The following AIF1L variants were observed in gnomAD, a reference collection of about 807,000 sequenced individuals.
AIF1L encodes the protein allograft inflammatory factor 1 like.
A neutral mutation model predicts 20.7 loss-of-function variants in AIF1L; 12 were observed. The observed-to-expected ratio is 0.58, with a 90% CI of 0.37 to 0.94. The LOEUF (loss-of-function observed/expected upper bound fraction) is 0.94, where lower values mean the gene tolerates loss of function less well. Among genes scored for constraint, AIF1L ranks in the 40% least tolerant of loss-of-function variants. The probability of loss-of-function intolerance (pLI) is 0.01; values close to 1 mark genes in which losing one functional copy is unlikely to be tolerated. For synonymous variants in AIF1L, 76 were observed against 65.1 expected (o/e 1.17, Z -0.81); for missense variants, 173 against 185.3 (o/e 0.93, Z 0.39).
At chr9:131,118,187 G>T (rs1193769503) in intron 5 of AIF1L, among the ~76,000 whole-genome samples, 1 of 151,220 alleles carries the variant, frequency 6.6e-6, no homozygotes, top group African/African-American at 2.4e-5. Context: ...CCGCCTCCTG[G>T]GTTCAAGTGA....
chr9:131,109,494 G>A (rs2133389175), intron 2 of AIF1L, among the ~76,000 whole-genome samples: 1 of 152,290 alleles, frequency 6.6e-6, no homozygotes, highest in African/African-American at 2.4e-5. Flanking sequence ...GAGAGGCAGA[G>A]GTTGCAGTGA....
rs1401155200 is a variant in AIF1L at position 131,096,546 on chromosome 9, G to A, written c.-84G>A. 1.4e-6 allele frequency: 2 copies of A among 1,452,446 alleles called. No individual in the cohort carries two copies. The highest frequency in any genetic ancestry group is 1.8e-6 in the Non-Finnish European group (2 of 1,105,440). 90.0% of individuals were successfully genotyped at this position (1,452,446 alleles called of 1,614,324 possible). A position where few individuals can be genotyped will look rare whatever the true frequency, so the allele number is the denominator to read the frequency against. ...TCCCGCGGCCACACGCAGCTAGCCGGAGCCCGGACCAGGCGCCTGTGCCTC... is the reference window on the plus strand; with the variant it reads ...TCCCGCGGCCACACGCAGCTAGCCGAAGCCCGGACCAGGCGCCTGTGCCTC... On this transcript the variant is annotated 5_prime_UTR_variant, in exon 1 of 6. Coordinates refer to ENST00000247291, the MANE Select transcript of AIF1L (RefSeq NM_031426.4).
At chr9:131,099,346 T>C (rs1287812279) in intron 2 of AIF1L, among the ~76,000 whole-genome samples, 1 of 152,194 alleles carries the variant, frequency 6.6e-6, no homozygotes, top group Non-Finnish European at 1.5e-5. Flanking sequence ...GGATGGAAGC[T>C]CTTTGCAGAC....
chr9:131,097,132 T>G lies in AIF1L; in HGVS notation c.93+269T>G, dbSNP rs546772351. On this transcript the variant is annotated intron_variant, in intron 2 of 5. Coordinates refer to ENST00000247291, the MANE Select transcript of AIF1L (RefSeq NM_031426.4). ...GGTGGGGCCGGGTCAGGAGCTCGGA[T>G]GCCAGCCGGCTCGTGGCTCCCCGCA... 3.7e-3 allele frequency among the ~76,000 whole-genome samples: 559 copies of G among 152,142 alleles called. 1 individual carries two copies. The highest frequency in any genetic ancestry group is 6.8e-3 in the South Asian group (33 of 4,826).
In AIF1L at chr9:131,115,600, C is replaced by T. The variant is rs185457058; in HGVS notation, c.202+982C>T. ...CTGCGTCTCAGATTGATGCTGCTAC[C>T]GGCATTTCTACTCCTCTTCCTCTGT... On this transcript the variant is annotated intron_variant, in intron 4 of 5. Coordinates refer to ENST00000247291, the MANE Select transcript of AIF1L (RefSeq NM_031426.4). Among the ~76,000 whole-genome samples, 13 of 152,066 alleles carry T rather than the reference C, an allele frequency of 8.5e-5. No homozygotes were observed. The East Asian group carries it at 1.5e-3, about 18-fold the overall frequency.
chr9:131,114,374 G>A (rs1830960988), intron 3 of AIF1L: 1 of 585,082 alleles, frequency 1.7e-6, no homozygotes, highest in Admixed American at 2.7e-5. Flanking sequence ...GGCACCTCTA[G>A]GAGAGTAGTC....
At chr9:131,116,346 C>G (rs1434531480) in intron 4 of AIF1L, among the ~76,000 whole-genome samples, 1 of 152,108 alleles carries the variant, frequency 6.6e-6, no homozygotes, top group Non-Finnish European at 1.5e-5. Flanking sequence ...TCACTGCATC[C>G]TCAGCCTCCC....
At position 131,115,952 on chromosome 9, in the gene AIF1L, G is replaced by A. The variant is rs544810709; in HGVS notation, c.202+1334G>A. Reference sequence around the variant, plus strand: ...TTGCACCATTGCACTCCAGCCTAGGGGACAAGAGCAAGACTTCGTCTCAAA... The same window carrying A: ...TTGCACCATTGCACTCCAGCCTAGGAGACAAGAGCAAGACTTCGTCTCAAA... On this transcript the variant is annotated intron_variant, in intron 4 of 5. Coordinates refer to ENST00000247291, the MANE Select transcript of AIF1L (RefSeq NM_031426.4). Among the ~76,000 whole-genome samples the A allele has an allele frequency of 2.0e-5, 3 of 149,624 alleles. No homozygotes were observed. In the East Asian group the frequency reaches 5.9e-4, roughly 29 times the overall value.
At position 131,121,058 on chromosome 9, in the gene AIF1L, T is replaced by A. The variant is rs150788810; in HGVS notation, c.*736T>A. ...CAGCAGAGGGCTTCGGAGGCAGAAG[T>A]GAGGCCTGGGGTTTTGGGGGAAAGG... On this transcript the variant is annotated 3_prime_UTR_variant, in exon 6 of 6. Transcript: ENST00000247291. The A allele has an allele frequency of 5.8e-6, 4 of 695,252 alleles. No homozygotes were observed. Among genetic ancestry groups the A allele is most frequent in the Non-Finnish European group, 8.0e-6 (3 of 376,242 alleles). The allele number at this position is 695,252 out of a possible 1,614,324, so 43.1% of individuals were successfully genotyped here.
At chr9:131,098,756 G>T (rs1830578655) in intron 2 of AIF1L, among the ~76,000 whole-genome samples, 1 of 152,226 alleles carries the variant, frequency 6.6e-6, no homozygotes, top group Non-Finnish European at 1.5e-5. Context: ...TGAGCAGGAA[G>T]GAGCTGTGGT....
At chr9:131,101,979 T>C (rs1036383788) in intron 2 of AIF1L, among the ~76,000 whole-genome samples, 7 of 152,140 alleles carry the variant, frequency 4.6e-5, no homozygotes, top group African/African-American at 1.4e-4. Flanking sequence ...TGCAGTGGCA[T>C]GATCTCGGCT....
At position 131,120,272 on chromosome 9, in the gene AIF1L, C is replaced by G. The variant is rs954912759; in HGVS notation, c.403C>G (p.Pro135Ala). ...TGAAGGAAAAGCCAACGAGAGCAGC[C>G]CCAAGCCAGTTGGCCCCCCTCCAGA... ...MFEGKANESS[P>A]KPVGPPPERD... The change falls in exon 6 of 6, where the codon CCC (proline) becomes GCC (alanine). Residue 135 changes from proline to alanine, a missense_variant. Coordinates refer to ENST00000247291, the MANE Select transcript of AIF1L (RefSeq NM_031426.4). The G allele has an allele frequency of 8.7e-6, 14 of 1,613,886 alleles. No individual in the cohort carries two copies. The highest frequency in any genetic ancestry group is 2.2e-5 in the East Asian group (1 of 44,858).
In AIF1L at chr9:131,121,074, G is replaced by T. The variant is rs1448834933; in HGVS notation, c.*752G>T. On this transcript the variant is annotated 3_prime_UTR_variant, in exon 6 of 6. Coordinates refer to ENST00000247291, the MANE Select transcript of AIF1L (RefSeq NM_031426.4). ...AGGCAGAAGTGAGGCCTGGGGTTTT[G>T]GGGGAAAGGTCAGCTCAGTGCTGTT... The T allele has an allele frequency of 4.8e-6, 3 of 630,928 alleles. No homozygotes were observed. The highest frequency in any genetic ancestry group is 1.6e-5 in the South Asian group (1 of 63,530). 39.1% of individuals were successfully genotyped at this position (630,928 alleles called of 1,614,324 possible).
At chr9:131,101,589 C>T (rs1028498494) in intron 2 of AIF1L, among the ~76,000 whole-genome samples, 17 of 152,138 alleles carry the variant, frequency 1.1e-4, no homozygotes, top group African/African-American at 3.9e-4. Context: ...AAGCAATCTG[C>T]CCACCTTGGC....
chr9:131,115,304 G>C (rs1588111600), intron 4 of AIF1L, among the ~76,000 whole-genome samples: 1 of 151,954 alleles, frequency 6.6e-6, no homozygotes, highest in East Asian at 1.9e-4. Context: ...ACAAAAATTA[G>C]CTGGGTGTGG....
chr9:131,118,207 C>G (rs189865993), intron 5 of AIF1L, among the ~76,000 whole-genome samples: 2 of 152,146 alleles, frequency 1.3e-5, no homozygotes, highest in East Asian at 3.9e-4. Context: ...ATTCTTCTGC[C>G]TCAGCCTCCC....
rs529259704 is a variant in AIF1L at position 131,119,704 on chromosome 9, G to T, written c.366-531G>T. Among the ~76,000 whole-genome samples, 3 of 152,232 alleles carry T rather than the reference G, an allele frequency of 2.0e-5. No individual in the cohort carries two copies. The South Asian group carries it at 6.2e-4, about 32-fold the overall frequency. On this transcript the variant is annotated intron_variant, in intron 5 of 5. Transcript: ENST00000247291. The stretch of plus-strand genomic sequence containing the variant: ...AGATCTTCTAGCACCCCACTTCCAG[G>T]GAGAAACGCCAAGGATCAGAGAGGT...
In AIF1L at chr9:131,096,827, AG is replaced by A. The variant is rs1297436538; in HGVS notation, c.58del (p.Ala20ProfsTer42). 17 of 1,538,912 alleles carry A rather than the reference AG, an allele frequency of 1.1e-5. No individual in the cohort carries two copies. The highest frequency in any genetic ancestry group is 1.4e-5 in the Non-Finnish European group (16 of 1,143,362). ...GAGGGAAGGCGTTCGGCTTGCTCAA[AG>A]CCCGGCAGGAGAGGAGGCTGGCCGA... ...QGGKAFGLLK[A>X]RQERRLAEIN... is the part of the protein sequence containing the mutation. On this transcript the variant is annotated frameshift_variant, in exon 2 of 6. Coordinates refer to ENST00000247291, the MANE Select transcript of AIF1L (RefSeq NM_031426.4). LOFTEE classifies it high-confidence loss of function.
chr9:131,099,414 A>G (rs1830592524), intron 2 of AIF1L, among the ~76,000 whole-genome samples: 1 of 152,242 alleles, frequency 6.6e-6, no homozygotes, highest in Admixed American at 6.5e-5. Flanking sequence ...CCATGGGGGC[A>G]GTGCAGAGGG....
Sources: allele counts gnomAD v4.1 joint callset (sites outside exome capture counted in the v4.1 genomes callset), GRCh38; gene constraint gnomAD v4.1.1; transcripts MANE v1.5; gene names NCBI Gene and HGNC (gene_info 2026-07-23, HGNC 2026-07-21).